NEXMIF: variants seen among roughly 807,000 people sequenced by gnomAD.
The protein encoded by NEXMIF is neurite extension and migration factor.
In NEXMIF, 8 loss-of-function variants were observed where a neutral mutation model predicts 62.1. The ratio of observed to expected loss-of-function variants is 0.13; its 90% CI spans 0.08 to 0.23. The LOEUF (loss-of-function observed/expected upper bound fraction) is 0.23. Ranked by LOEUF, NEXMIF falls within the 10% of genes least tolerant of loss-of-function variation. The pLI is 1.00. For synonymous variants in NEXMIF, 404 were observed against 416.6 expected (o/e 0.97, Z 0.37); for missense variants, 976 against 1,113.3 (o/e 0.88, Z 1.75).
chrX:74,904,920 T>C (rs974519066), intron 1 of NEXMIF, among the ~76,000 whole-genome samples: 1 of 111,484 alleles, frequency 9.0e-6, no homozygotes, highest in African/African-American at 3.3e-5. Context: ...TTCAGTATTT[T>C]ACAGGCAGAA....
At chrX:74,788,926 GAGA>G (rs776662496) in intron 1 of NEXMIF, among the ~76,000 whole-genome samples, 1 of 110,915 alleles carries the variant, frequency 9.0e-6, no homozygotes, top group Non-Finnish European at 1.9e-5. Flanking sequence ...TTCCAGGTAG[GAGA>G]AGAAGACATC....
At chrX:74,833,767 G>T (rs1407781163) in intron 1 of NEXMIF, among the ~76,000 whole-genome samples, 2 of 111,054 alleles carry the variant, frequency 1.8e-5, no homozygotes, top group Non-Finnish European at 3.8e-5. Flanking sequence ...AGGTTACTGA[G>T]AGGCTTGCAA....
intron 1 of NEXMIF, among the ~76,000 whole-genome samples, chrX:74,876,341 C>G (rs1394136531): frequency 8.9e-6 from 1 of 111,850 alleles, no homozygotes; most frequent in Admixed American, 9.5e-5. Context: ...TTTGATTGCA[C>G]TGTGGTCTGA....
intron 1 of NEXMIF, among the ~76,000 whole-genome samples, chrX:74,853,897 C>A (rs767130084): frequency 5.4e-5 from 6 of 111,545 alleles, no homozygotes; most frequent in Non-Finnish European, 1.1e-4. Context: ...AAGTAGAAAA[C>A]CTTAACAGAC....
chrX:74,901,236 G>A (rs770169365), intron 1 of NEXMIF, among the ~76,000 whole-genome samples: 4 of 112,006 alleles, frequency 3.6e-5, no homozygotes, highest in Admixed American at 9.5e-5. Context: ...GCCTTTAGAG[G>A]TAGCTGCCTG....
chrX:74,890,630 C>T (rs1267390087), intron 1 of NEXMIF, among the ~76,000 whole-genome samples: 6 of 111,669 alleles, frequency 5.4e-5, no homozygotes, highest in African/African-American at 1.6e-4. Flanking sequence ...CAACAGAACC[C>T]GCAGCCACAT....
At chrX:74,740,035 G>A in intron 3 of NEXMIF, 65 bp downstream of exon 3, 1 of 1,028,240 alleles carries the variant, frequency 9.7e-7, no homozygotes, top group South Asian at 2.2e-5. Flanking sequence ...ATGAGGGACT[G>A]CGGGCTTAGT....
intron 1 of NEXMIF, among the ~76,000 whole-genome samples, chrX:74,922,358 G>C (rs2080830039): frequency 9.0e-6 from 1 of 111,336 alleles, no homozygotes; most frequent in Non-Finnish European, 1.9e-5. Context: ...GTGTGTGTGT[G>C]TGTGTGTGTG....
intron 1 of NEXMIF, among the ~76,000 whole-genome samples, chrX:74,774,488 T>G (rs2080222744): frequency 9.0e-6 from 1 of 111,214 alleles, no homozygotes; most frequent in Non-Finnish European, 1.9e-5. Context: ...CCTAGAAGAG[T>G]TATAGTCAGT....
chrX:74,752,268 A>T (rs1030514644), intron 1 of NEXMIF, among the ~76,000 whole-genome samples: 8 of 111,402 alleles, frequency 7.2e-5, no homozygotes, highest in Non-Finnish European at 1.3e-4. Flanking sequence ...TCTGATTTTT[A>T]TACACACATA....
intron 1 of NEXMIF, among the ~76,000 whole-genome samples, chrX:74,863,911 C>T (rs1026938389): frequency 2.7e-5 from 3 of 112,210 alleles, no homozygotes; most frequent in Admixed American, 9.4e-5. Context: ...AGCTTATTCA[C>T]CACAATCAAG....
chrX:74,885,241 A>G (rs748297588), intron 1 of NEXMIF, among the ~76,000 whole-genome samples: 9 of 111,843 alleles, frequency 8.0e-5, no homozygotes, highest in Non-Finnish European at 1.7e-4. Context: ...AAAGAACTAG[A>G]GAAGCAACAG....
At chrX:74,920,406 T>C (rs1297472424) in intron 1 of NEXMIF, among the ~76,000 whole-genome samples, 1 of 112,564 alleles carries the variant, frequency 8.9e-6, no homozygotes, top group Non-Finnish European at 1.9e-5. Flanking sequence ...ATGTGTCTTC[T>C]GGCTGCATAA....
chrX:74,836,968 G>A (rs2080458995), intron 1 of NEXMIF, among the ~76,000 whole-genome samples: 1 of 111,610 alleles, frequency 9.0e-6, no homozygotes, highest in Admixed American at 9.5e-5. Flanking sequence ...GTGGAGTTCT[G>A]ACTGATGGGA....
chrX:74,798,505 G>C (rs764157022), intron 1 of NEXMIF, among the ~76,000 whole-genome samples: 1 of 112,300 alleles, frequency 8.9e-6, no homozygotes, highest in South Asian at 3.7e-4. Context: ...TCTTGGAGAA[G>C]AGTCTTGCTT....
chrX:74,874,050 G>C (rs1481151900), intron 1 of NEXMIF, among the ~76,000 whole-genome samples: 1 of 109,436 alleles, frequency 9.1e-6, no homozygotes, highest in African/African-American at 3.3e-5. Flanking sequence ...TGGTGTTTTA[G>C]ACATGAAGTC....
chrX:74,896,543 G>A (rs2080733432), intron 1 of NEXMIF, among the ~76,000 whole-genome samples: 1 of 112,119 alleles, frequency 8.9e-6, no homozygotes, highest in African/African-American at 3.2e-5. Context: ...GAGTGGTCAG[G>A]TAGTAAGAGA....
At chrX:74,888,340 C>A (rs1396919726) in intron 1 of NEXMIF, among the ~76,000 whole-genome samples, 1 of 108,785 alleles carries the variant, frequency 9.2e-6, no homozygotes, top group Non-Finnish European at 1.9e-5. Flanking sequence ...GGCACATATA[C>A]ACCATGGAAT....
chrX:74,811,708 C>T (rs1158960190), intron 1 of NEXMIF, among the ~76,000 whole-genome samples: 1 of 112,598 alleles, frequency 8.9e-6, no homozygotes, highest in Non-Finnish European at 1.9e-5. Context: ...AGCCTGTAGG[C>T]TATTACATTC....
Sources: allele counts gnomAD v4.1 joint callset (sites outside exome capture counted in the v4.1 genomes callset), GRCh38; gene constraint gnomAD v4.1.1; transcripts MANE v1.5; gene names NCBI Gene and HGNC (gene_info 2026-07-23, HGNC 2026-07-21).